ZNF662: variants seen among roughly 807,000 people sequenced by gnomAD.
ZNF662 encodes zinc finger protein 662.
Under a neutral mutation model 12.4 loss-of-function variants are expected in ZNF662, and 14 were observed. That is an observed-to-expected ratio of 1.13 (90% CI 0.75 to 1.77). The LOEUF is 1.77. ZNF662 is among the 40% of genes most tolerant of loss of function. The pLI is 0.00. For synonymous variants in ZNF662, 184 were observed against 176.4 expected (o/e 1.04, Z -0.34); for missense variants, 550 against 515.6 (o/e 1.07, Z -0.65).
chr3:42,915,538 A>C lies in ZNF662; in HGVS notation c.*184A>C, dbSNP rs1055028067. ...CCCTCTGTTCTATGATGTTTTAACA[A>C]GGCATCATTTAGTTGGGCAGCTACT... On this transcript the variant is annotated 3_prime_UTR_variant, in exon 5 of 5. Coordinates refer to ENST00000440367, the MANE Select transcript of ZNF662 (RefSeq NM_207404.4). 7 of 578,228 alleles carry C rather than the reference A, an allele frequency of 1.2e-5. No individual in the cohort carries two copies. The highest frequency in any genetic ancestry group is 1.7e-5 in the Non-Finnish European group (6 of 343,432). 35.8% of individuals were successfully genotyped at this position (578,228 alleles called of 1,614,324 possible).
intron 4 of ZNF662, among the ~76,000 whole-genome samples, chr3:42,913,899 C>T (rs1398119524): frequency 6.6e-6 from 1 of 152,062 alleles, no homozygotes; most frequent in Admixed American, 6.6e-5. Context: ...GAAGCTCATT[C>T]TTGCTACTGT....
chr3:42,915,480 T>A lies in ZNF662; in HGVS notation c.*126T>A. The A allele has an allele frequency of 1.1e-6, 1 of 902,924 alleles. No homozygotes were observed. Among genetic ancestry groups the A allele is most frequent in the Non-Finnish European group, 1.7e-6 (1 of 605,306 alleles). The allele number at this position is 902,924 out of a possible 1,614,324, so 55.9% of individuals were successfully genotyped here. A position where few individuals can be genotyped will look rare whatever the true frequency, so the allele number is the denominator to read the frequency against. ...AATAGCCAGTATTATCTTGCCCTTT[T>A]GAACATTTACCATGTACTCTAGCAA... is the stretch of plus-strand genomic sequence containing the variant. On this transcript the variant is annotated 3_prime_UTR_variant, in exon 5 of 5. Transcript: ENST00000440367.
chr3:42,913,122 C>T (rs2088850621), intron 3 of ZNF662, 79 bp from the exon 4 acceptor site: 1 of 977,834 alleles, frequency 1.0e-6, no homozygotes, highest in South Asian at 1.3e-5. Flanking sequence ...CTCTCCCTAC[C>T]ACTTCCATGT....
At chr3:42,910,064 T>C (rs574348986) in intron 3 of ZNF662, among the ~76,000 whole-genome samples, 3 of 152,252 alleles carry the variant, frequency 2.0e-5, no homozygotes, top group Non-Finnish European at 4.4e-5. Flanking sequence ...CTGGGCAACA[T>C]TGAGCACTGA....
rs1296439600 is a variant in ZNF662, at chr3:42,918,823, G to A, written c.*3469G>A. ...GAGTTCAATGGCCTGAAGGTGAGAAGAGACAAACCAGGTTATTAGAAGACA... is the reference window on the plus strand; with the variant it reads ...GAGTTCAATGGCCTGAAGGTGAGAAAAGACAAACCAGGTTATTAGAAGACA... On this transcript the variant is annotated 3_prime_UTR_variant, in exon 5 of 5. Coordinates refer to ENST00000440367, the MANE Select transcript of ZNF662 (RefSeq NM_207404.4). 6.6e-6 allele frequency among the ~76,000 whole-genome samples: 1 copy of A among 152,108 alleles called. No individual in the cohort carries two copies. The highest frequency in any genetic ancestry group is 1.5e-5 in the Non-Finnish European group (1 of 68,030).
chr3:42,908,959 TC>T, intron 3 of ZNF662, 50 bp downstream of exon 3: 2 of 1,339,606 alleles, frequency 1.5e-6, no homozygotes, highest in Non-Finnish European at 2.1e-6. Context: ...CTTGTCATGA[TC>T]TTTAAAATGT....
In ZNF662 at chr3:42,918,341, C is replaced by G. The variant is rs2088915856; in HGVS notation, c.*2987C>G. ...AAAACTCTCAACAAAAAGAGGGGTC[C>G]TGCATGCAGGTTTTCCATCTCACTA... On this transcript the variant is annotated 3_prime_UTR_variant, in exon 5 of 5. Transcript: ENST00000440367. Among the ~76,000 whole-genome samples the G allele has an allele frequency of 6.6e-6, 1 of 152,072 alleles. No homozygotes were observed.
In ZNF662 at chr3:42,906,426, GC is replaced by G; in HGVS notation, c.-94+262del. On this transcript the variant is annotated intron_variant, in intron 1 of 4. Coordinates refer to ENST00000440367, the MANE Select transcript of ZNF662 (RefSeq NM_207404.4). This position sits in a 1 kb window ranked among gnomAD's most constrained non-coding sequence, Gnocchi z 4.4. The stretch of plus-strand genomic sequence containing the variant: ...AGCTGCTCCCGGGACAGCCCGCGCT[GC>G]CCCGGGCGCGCCGGGTGAGTGCGGG... The G allele has an allele frequency of 6.8e-7, 1 of 1,472,944 alleles. No individual in the cohort carries two copies. 91.2% of individuals were successfully genotyped at this position (1,472,944 alleles called of 1,614,324 possible).
chr3:42,912,553 TAA>T (rs1206386303), intron 3 of ZNF662, among the ~76,000 whole-genome samples: 1 of 7,664 alleles, frequency 1.3e-4, no homozygotes, highest in African/African-American at 2.0e-4. Flanking sequence ...ATATTTAATA[TAA>T]ATATATATAT....
Position 42,918,964 on chromosome 3 carries a change from G to A in ZNF662, c.*3610G>A, listed in dbSNP as rs575023038. Among the ~76,000 whole-genome samples the A allele has an allele frequency of 1.3e-5, 2 of 152,256 alleles. No individual in the cohort carries two copies. Among genetic ancestry groups the A allele is most frequent in the Admixed American group, 6.5e-5 (1 of 15,294 alleles). The stretch of plus-strand genomic sequence containing the variant: ...GCCTGCTAAGATTGGGGTGTTTGGG[G>A]CTTGGCTTTCGTTAGCTCCCTTGGT... On this transcript the variant is annotated 3_prime_UTR_variant, in exon 5 of 5. Transcript: ENST00000440367.
In ZNF662 at chr3:42,915,357, A is replaced by C. The variant is rs1559383028; in HGVS notation, c.*3A>C. ...TCTCTCACCTTCTTGAACATTAGAG[A>C]GTGCATAATGGTGATACTTGTTTAT... is the stretch of plus-strand genomic sequence containing the variant. On this transcript the variant is annotated 3_prime_UTR_variant, in exon 5 of 5. Coordinates refer to ENST00000440367, the MANE Select transcript of ZNF662 (RefSeq NM_207404.4). The C allele has an allele frequency of 1.9e-6, 3 of 1,549,896 alleles. No homozygotes were observed. Among genetic ancestry groups the C allele is most frequent in the Non-Finnish European group, 2.6e-6 (3 of 1,152,800 alleles).
rs539648106 is a variant in ZNF662, at chr3:42,912,049, A to G, written c.152-1152A>G. On this transcript the variant is annotated intron_variant, in intron 3 of 4. Transcript: ENST00000440367. ...TGAAGAAGAGGCCTTCATCTTTTCTATTTCTTCTTGACGTTTTAAAGTGAG... is the reference window on the plus strand; with the variant it reads ...TGAAGAAGAGGCCTTCATCTTTTCTGTTTCTTCTTGACGTTTTAAAGTGAG... 4 of 150,958 alleles carry G rather than the reference A, an allele frequency of 2.6e-5. No individual in the cohort carries two copies. The East Asian group carries it at 7.8e-4, about 29-fold the overall frequency. The allele number at this position is 150,958 out of a possible 1,614,324, so 9.4% of individuals were successfully genotyped here. A position where few individuals can be genotyped will look rare whatever the true frequency, so the allele number is the denominator to read the frequency against.
chr3:42,907,602 T>C (rs1381130586), intron 1 of ZNF662: 1 of 838,312 alleles, frequency 1.2e-6, no homozygotes, highest in Non-Finnish European at 1.4e-6. Flanking sequence ...GATCTGATAG[T>C]AGGCTATGAG....
chr3:42,912,751 A>ATATATAAATATATATATATATT (rs1559381667), intron 3 of ZNF662, among the ~76,000 whole-genome samples: 2 of 32,090 alleles, frequency 6.2e-5, no homozygotes, highest in South Asian at 1.2e-3. Context: ...ATATATATAT[A>ATATATAAATATATATATATATT]TTTTTTGAGA....
chr3:42,912,401 AT>A (rs1234931779), intron 3 of ZNF662, among the ~76,000 whole-genome samples: 1 of 98,418 alleles, frequency 1.0e-5, no homozygotes, highest in East Asian at 2.8e-4. Context: ...ATATATTTAT[AT>A]ATTATATATT....
In ZNF662 at chr3:42,912,637, A is replaced by ATTTTATATATATATAAATATATATATAT. The variant is rs2088824538; in HGVS notation, c.152-563_152-536dup. Reference sequence around the variant, plus strand: ...TTTTCTATAAAATATATATTTATATATTTTATATATATATAAATATATATA... The same window carrying ATTTTATATATATATAAATATATATATAT: ...TTTTCTATAAAATATATATTTATATATTTTATATATATATAAATATATATATATTTTTATATATATATAAATATATATA... On this transcript the variant is annotated intron_variant, in intron 3 of 4. Coordinates refer to ENST00000440367, the MANE Select transcript of ZNF662 (RefSeq NM_207404.4). Among the ~76,000 whole-genome samples the ATTTTATATATATATAAATATATATATAT allele has an allele frequency of 6.6e-4, 44 of 66,664 alleles. 2 individuals carry two copies. The highest frequency in any genetic ancestry group is 1.3e-3 in the Admixed American group (6 of 4,472). The allele number at this position is 66,664 out of a possible 152,430, so 43.7% of individuals were successfully genotyped here. A position where few individuals can be genotyped will look rare whatever the true frequency, so the allele number is the denominator to read the frequency against.
At position 42,906,231 on chromosome 3, in the gene ZNF662, T is replaced by A; in HGVS notation, c.-94+63T>A. The A allele has an allele frequency of 1.2e-6, 1 of 860,112 alleles. No individual in the cohort carries two copies. Among genetic ancestry groups the A allele is most frequent in the Non-Finnish European group, 1.7e-6 (1 of 586,088 alleles). 53.3% of individuals were successfully genotyped at this position (860,112 alleles called of 1,614,324 possible). A position where few individuals can be genotyped will look rare whatever the true frequency, so the allele number is the denominator to read the frequency against. ...GAGTGGAGTCGGGGTCTTACTCCGG[T>A]GGCTGCAGGGCGCAGGGTAGCCGTG... On this transcript the variant is annotated intron_variant, in intron 1 of 4. Coordinates refer to ENST00000440367, the MANE Select transcript of ZNF662 (RefSeq NM_207404.4). The surrounding 1 kb of genome is among the most constrained non-coding windows in gnomAD (Gnocchi z 4.4).
chr3:42,908,875 T>G lies in ZNF662; in HGVS notation c.117T>G (p.Ala39=). 6.2e-7 allele frequency: 1 copy of G among 1,613,448 alleles called. No homozygotes were observed. The highest frequency in any genetic ancestry group is 8.5e-7 in the Non-Finnish European group (1 of 1,179,442). ...ETPWCSVPRG[A]LDGEAPRGIS... ...CCTGGTGCTCGGTTCCTCGGGGAGC[T>G]CTGGATGGAGAGGCCCCAAGGGGCA... is the stretch of plus-strand genomic sequence containing the variant. The change falls in exon 3 of 5, where the codon GCT becomes GCG. Residue 39 remains alanine (A), a synonymous_variant. Coordinates refer to ENST00000440367, the MANE Select transcript of ZNF662 (RefSeq NM_207404.4).
rs1002831762 is a variant in ZNF662, at chr3:42,917,778, A to C, written c.*2424A>C. ...GTAGTCTCATAAGCTTCTCAGTTTT[A>C]TCTCATCTCAGTTGCTTGGAAGTTG... On this transcript the variant is annotated 3_prime_UTR_variant, in exon 5 of 5. Coordinates refer to ENST00000440367, the MANE Select transcript of ZNF662 (RefSeq NM_207404.4). 1 of 584,362 alleles carries C rather than the reference A, an allele frequency of 1.7e-6. No individual in the cohort carries two copies. Among genetic ancestry groups the C allele is most frequent in the African/African-American group, 1.9e-5 (1 of 52,732 alleles). The allele number at this position is 584,362 out of a possible 1,614,324, so 36.2% of individuals were successfully genotyped here.
Sources: allele counts gnomAD v4.1 joint callset (sites outside exome capture counted in the v4.1 genomes callset), GRCh38; gene constraint gnomAD v4.1.1; non-coding constraint Gnocchi (gnomAD v3.1); transcripts MANE v1.5; gene names NCBI Gene and HGNC (gene_info 2026-07-23, HGNC 2026-07-21).